NAALADL2: variants seen among roughly 807,000 people sequenced by gnomAD.
NAALADL2 encodes N-acetylated alpha-linked acidic dipeptidase like 2.
In NAALADL2, 76 loss-of-function variants were observed where a neutral mutation model predicts 87.2. The ratio of observed to expected loss-of-function variants is 0.87; its 90% CI spans 0.72 to 1.05. NAALADL2 has a LOEUF of 1.05. Among genes scored for constraint, NAALADL2 ranks in the 50% least tolerant of loss-of-function variants. The pLI is 0.00. For missense variants in NAALADL2, 1,089 were observed against 945.8 expected (o/e 1.15, Z -1.99); for synonymous variants, 354 against 331.0 (o/e 1.07, Z -0.75).
rs187462048 is a variant in NAALADL2 at position 175,639,991 on chromosome 3, G to A, written c.1896+12605G>A. ...GAACATGGAACTGAGTAGTTAGTGCGTGAACTAGAGATTGAAGAGAATATT... is the reference window on the plus strand; with the variant it reads ...GAACATGGAACTGAGTAGTTAGTGCATGAACTAGAGATTGAAGAGAATATT... On this transcript the variant is annotated intron_variant, in intron 11 of 13. Transcript: ENST00000454872. Among the ~76,000 whole-genome samples, 105 of 152,280 alleles carry A rather than the reference G, an allele frequency of 6.9e-4. No homozygotes were observed. The South Asian group carries it at 7.9e-3, about 11-fold the overall frequency.
At chr3:175,168,393 A>C (rs961173640) in intron 2 of NAALADL2, among the ~76,000 whole-genome samples, 12 of 151,944 alleles carry the variant, frequency 7.9e-5, no homozygotes, top group African/African-American at 2.4e-4. Flanking sequence ...TCCATAGGAG[A>C]CTTTTCTGGC....
chr3:174,799,659 G>C (rs762616797), intron 3 of NAALADL2, among the ~76,000 whole-genome samples: 4 of 152,142 alleles, frequency 2.6e-5, no homozygotes, highest in Non-Finnish European at 5.9e-5. Flanking sequence ...AATTCTACCA[G>C]AAGTGGAGTG....
chr3:174,997,223 T>C (rs1412516184), intron 1 of NAALADL2, among the ~76,000 whole-genome samples: 1 of 152,084 alleles, frequency 6.6e-6, no homozygotes, highest in Non-Finnish European at 1.5e-5. Context: ...GGATTGGTAG[T>C]TCTACTTTTA....
chr3:174,487,460 A>G (rs1325973025), intron 1 of NAALADL2, among the ~76,000 whole-genome samples: 1 of 152,042 alleles, frequency 6.6e-6, no homozygotes, highest in African/African-American at 2.4e-5. Context: ...AGTCTAGAAG[A>G]GGAGATTAGT....
In NAALADL2 at chr3:174,832,044, C is replaced by T. The variant is rs1407719866; in HGVS notation, c.-9+94298C>T. Among the ~76,000 whole-genome samples, 3 of 151,878 alleles carry T rather than the reference C, an allele frequency of 2.0e-5. No homozygotes were observed. In the East Asian group the frequency reaches 5.8e-4, roughly 29 times the overall value. On this transcript the variant is annotated intron_variant, in intron 3 of 3. Coordinates refer to the NAALADL2 transcript ENST00000434257. ...CTAGCGGTCTATCAATTTTGTTGAT[C>T]CTTTCAAAAAACCAGCTCCTGGGTT...
At chr3:175,780,574 A>C (rs1199697724) in intron 13 of NAALADL2, among the ~76,000 whole-genome samples, 1 of 152,200 alleles carries the variant, frequency 6.6e-6, no homozygotes, top group Admixed American at 6.5e-5. Flanking sequence ...ATAAAACCAC[A>C]GGAGGGCAAA....
intron 12 of NAALADL2, among the ~76,000 whole-genome samples, chr3:175,754,150 G>A (rs1404883939): frequency 6.6e-6 from 1 of 152,118 alleles, no homozygotes; most frequent in Non-Finnish European, 1.5e-5. Flanking sequence ...GCTTACCTGT[G>A]GGGACATACT....
chr3:174,916,328 G>A (rs1734382515), intron 1 of NAALADL2, among the ~76,000 whole-genome samples: 1 of 151,966 alleles, frequency 6.6e-6, no homozygotes, highest in Non-Finnish European at 1.5e-5. Context: ...GGAACTAAAA[G>A]TAGAACTACC....
At chr3:175,614,285 T>A (rs4642141) in intron 10 of NAALADL2, among the ~76,000 whole-genome samples, 9 of 152,060 alleles carry the variant, frequency 5.9e-5, no homozygotes, top group African/African-American at 1.2e-4. Flanking sequence ...ACTCTTGAAC[T>A]CATGATCTGC....
intron 9 of NAALADL2, among the ~76,000 whole-genome samples, chr3:175,500,962 G>T (rs1426080652): frequency 1.3e-5 from 2 of 152,138 alleles, no homozygotes; most frequent in East Asian, 3.9e-4. Context: ...AATTTAGAAT[G>T]ATAGTTCTGG....
At chr3:175,293,068 G>GT in intron 4 of NAALADL2, among the ~76,000 whole-genome samples, 1 of 143,566 alleles carries the variant, frequency 7.0e-6, no homozygotes, top group African/African-American at 2.5e-5. Flanking sequence ...AAAAAAGGGG[G>GT]AACTCGGTTA....
chr3:175,620,276 T>C (rs1335707439), intron 10 of NAALADL2, among the ~76,000 whole-genome samples: 3 of 152,086 alleles, frequency 2.0e-5, no homozygotes, highest in African/African-American at 7.2e-5. Flanking sequence ...CAGGCTGCAC[T>C]CAGCTCTTGC....
At chr3:174,919,970 A>C (rs947647343) in intron 1 of NAALADL2, among the ~76,000 whole-genome samples, 7 of 152,188 alleles carry the variant, frequency 4.6e-5, no homozygotes, top group Admixed American at 1.3e-4. Flanking sequence ...GATACATTGA[A>C]ATAAATAGTT....
intron 9 of NAALADL2, among the ~76,000 whole-genome samples, chr3:175,500,828 T>A (rs1311776100): frequency 6.6e-6 from 1 of 152,164 alleles, no homozygotes; most frequent in Non-Finnish European, 1.5e-5. Flanking sequence ...TTCCAGAGTC[T>A]ATTCTCATCA....
intron 11 of NAALADL2, among the ~76,000 whole-genome samples, chr3:175,639,233 G>A (rs1361629179): frequency 6.6e-6 from 1 of 150,822 alleles, no homozygotes; most frequent in African/African-American, 2.4e-5. Context: ...AGGTGCACCT[G>A]TTAACTAATT....
At chr3:175,487,199 A>T (rs1727403366) in intron 9 of NAALADL2, among the ~76,000 whole-genome samples, 1 of 152,064 alleles carries the variant, frequency 6.6e-6, no homozygotes, top group South Asian at 2.1e-4. Flanking sequence ...TCACAGCGAG[A>T]CCCACCTCAT....
chr3:175,122,206 A>G (rs1047882996), intron 2 of NAALADL2, among the ~76,000 whole-genome samples: 1 of 151,760 alleles, frequency 6.6e-6, no homozygotes, highest in Non-Finnish European at 1.5e-5. Context: ...TCAGGAAGGA[A>G]ATAGAGGGCC....
chr3:175,230,637 C>A (rs1744813149), intron 2 of NAALADL2, among the ~76,000 whole-genome samples: 1 of 152,002 alleles, frequency 6.6e-6, no homozygotes, highest in Non-Finnish European at 1.5e-5. Flanking sequence ...CCTTGGAAAA[C>A]TATTTAGTAT....
At chr3:175,339,035 C>T (rs1030939854) in intron 5 of NAALADL2, among the ~76,000 whole-genome samples, 1 of 152,210 alleles carries the variant, frequency 6.6e-6, no homozygotes, top group African/African-American at 2.4e-5. Context: ...GCCTCCAGTG[C>T]AGCCTCTGGC....
Sources: allele counts gnomAD v4.1 joint callset (sites outside exome capture counted in the v4.1 genomes callset), GRCh38; gene constraint gnomAD v4.1.1; transcripts MANE v1.5; gene names NCBI Gene and HGNC (gene_info 2026-07-23, HGNC 2026-07-21).